VEZT: variants seen among roughly 807,000 people sequenced by gnomAD.
The protein encoded by VEZT is vezatin, adherens junctions transmembrane protein, also known as vezatin.
A neutral mutation model predicts 79.9 loss-of-function variants in VEZT; 39 were observed. The observed-to-expected ratio is 0.49, with a 90% confidence interval of 0.38 to 0.64. The LOEUF is 0.64. VEZT is among the 30% of genes least tolerant of loss of function. The pLI is 0.00. For synonymous variants in VEZT, 325 were observed against 327.6 expected, an observed-to-expected ratio of 0.99 and a Z score of 0.09; for missense variants, 837 against 893.1, an observed-to-expected ratio of 0.94 and a Z score of 0.80.
intron 2 of VEZT, among the ~76,000 whole-genome samples, chr12:95,253,477 C>A (rs1016768671): frequency 6.6e-6 from 1 of 152,194 alleles, no homozygotes; most frequent in Non-Finnish European, 1.5e-5. Flanking sequence ...CATTTCTTCC[C>A]TGTGCCCCTT....
chr12:95,256,609 A>T, intron 2 of VEZT: 3 of 1,289,534 alleles, frequency 2.3e-6, no homozygotes, highest in Non-Finnish European at 1.0e-6. Flanking sequence ...ATGCTCAAGG[A>T]ATGGGCTATT....
At chr12:95,243,775 T>C (rs956687946) in intron 1 of VEZT, among the ~76,000 whole-genome samples, 1 of 152,210 alleles carries the variant, frequency 6.6e-6, no homozygotes, top group Non-Finnish European at 1.5e-5. Context: ...TTGGTGCCAT[T>C]CTCACAATAG....
At chr12:95,249,753 T>C (rs150944338) in intron 1 of VEZT, among the ~76,000 whole-genome samples, 3 of 152,308 alleles carry the variant, frequency 2.0e-5, no homozygotes, top group Non-Finnish European at 4.4e-5. Context: ...GTTAACTTGC[T>C]TGGTGTGTTT....
chr12:95,251,687 TACTC>T (rs892427833), intron 1 of VEZT, among the ~76,000 whole-genome samples: 6 of 152,218 alleles, frequency 3.9e-5, no homozygotes, highest in African/African-American at 4.8e-5. Flanking sequence ...TTCTTGCTGG[TACTC>T]ACTCAAAAAA....
At chr12:95,226,090 CCTTT>C (rs1271068058) in intron 1 of VEZT, among the ~76,000 whole-genome samples, 8 of 129,852 alleles carry the variant, frequency 6.2e-5, no homozygotes, top group Admixed American at 5.5e-4. Context: ...TGAGACTTTG[CCTTT>C]ATTTAAAAAA....
chr12:95,275,260 A>C (rs747741175), intron 7 of VEZT, among the ~76,000 whole-genome samples: 1 of 152,152 alleles, frequency 6.6e-6, no homozygotes, highest in Non-Finnish European at 1.5e-5. Context: ...TTTTTCATAC[A>C]TCAAAAGCCA....
intron 1 of VEZT, among the ~76,000 whole-genome samples, chr12:95,244,368 G>A (rs55797522): frequency 0.084 from 12,778 of 152,168 alleles, 578 homozygotes; most frequent in Middle Eastern, 0.12. Flanking sequence ...GTGACAGAAC[G>A]AGACCCTGTT....
chr12:95,226,560 C>T (rs1456517363), intron 1 of VEZT, among the ~76,000 whole-genome samples: 2 of 152,088 alleles, frequency 1.3e-5, no homozygotes, highest in Non-Finnish European at 2.9e-5. Context: ...CCAACAACAT[C>T]CCTTCCCTTA....
chr12:95,227,509 T>G (rs2058670649), intron 1 of VEZT, among the ~76,000 whole-genome samples: 1 of 151,938 alleles, frequency 6.6e-6, no homozygotes, highest in East Asian at 1.9e-4. Flanking sequence ...CCCTGCTAAT[T>G]TTTGTATTTT....
rs1302525107 is a variant in VEZT at position 95,224,196 on chromosome 12, G to A, written c.36+6310G>A. The A allele has an allele frequency of 2.2e-5, 10 of 456,052 alleles. 1 individual carries two copies. The highest frequency in any genetic ancestry group is 2.0e-5 in the African/African-American group (1 of 50,198). The allele number at this position is 456,052 out of a possible 1,614,324, so 28.3% of individuals were successfully genotyped here. On this transcript the variant is annotated intron_variant, in intron 1 of 11. Coordinates refer to ENST00000436874, the MANE Select transcript of VEZT (RefSeq NM_017599.4). Reference sequence around the variant, plus strand: ...TCCATTTAGGTTCGGCCAGTGGGAAGGACCTGCAGATCAGAGGATGGAGGA... The same window carrying A: ...TCCATTTAGGTTCGGCCAGTGGGAAAGACCTGCAGATCAGAGGATGGAGGA...
intron 1 of VEZT, among the ~76,000 whole-genome samples, chr12:95,227,723 G>T (rs567344974): frequency 6.6e-6 from 1 of 152,274 alleles, no homozygotes; most frequent in South Asian, 2.1e-4. Context: ...CTCCCAAAGT[G>T]CTGGGATTAC....
intron 7 of VEZT, among the ~76,000 whole-genome samples, chr12:95,280,524 TACAC>T (rs10611290): frequency 0.036 from 5,013 of 137,628 alleles, 208 homozygotes; most frequent in East Asian, 0.15. Flanking sequence ...TTCATATGTG[TACAC>T]ACACACACAC....
At chr12:95,267,784 G>A (rs1221447805) in intron 5 of VEZT, among the ~76,000 whole-genome samples, 2 of 152,172 alleles carry the variant, frequency 1.3e-5, no homozygotes, top group Non-Finnish European at 2.9e-5. Context: ...CACTTTGGGA[G>A]GTCGAGGCAT....
intron 8 of VEZT, among the ~76,000 whole-genome samples, chr12:95,287,287 T>C (rs1566284187): frequency 6.6e-6 from 1 of 152,062 alleles, no homozygotes; most frequent in East Asian, 1.9e-4. Context: ...ACTGTCCAAC[T>C]CCAGAACTTT....
At chr12:95,235,243 G>C (rs2059884296) in intron 1 of VEZT, among the ~76,000 whole-genome samples, 2 of 148,640 alleles carry the variant, frequency 1.3e-5, no homozygotes, top group South Asian at 4.3e-4. Flanking sequence ...GCCGGGCAGA[G>C]GCGCCCCTCA....
rs189265452 is a variant in VEZT, at chr12:95,298,615, G to A, written c.1832-1550G>A. On this transcript the variant is annotated intron_variant, in intron 11 of 11. Coordinates refer to ENST00000436874, the MANE Select transcript of VEZT (RefSeq NM_017599.4). ...CACTGTTTACTGCTGTATCCCTAGC[G>A]CAAAGATCAAGAGACAAAATGTAAA... Among the ~76,000 whole-genome samples, 163 of 152,216 alleles carry A rather than the reference G, an allele frequency of 1.1e-3. 1 individual carries two copies. In the East Asian group the frequency reaches 0.024, roughly 23 times the overall value.
At chr12:95,292,548 ATTT>A (rs11428521) in intron 9 of VEZT, among the ~76,000 whole-genome samples, 1 of 135,492 alleles carries the variant, frequency 7.4e-6, no homozygotes, top group Non-Finnish European at 1.6e-5. Flanking sequence ...GATAACTGTA[ATTT>A]TTTTTTTTTT....
chr12:95,293,485 A>G (rs572551603), intron 9 of VEZT, among the ~76,000 whole-genome samples: 2 of 152,318 alleles, frequency 1.3e-5, no homozygotes, highest in African/African-American at 4.8e-5. Flanking sequence ...TACCAAACAT[A>G]AATTTTAAGA....
At chr12:95,226,299 T>C (rs958933441) in intron 1 of VEZT, among the ~76,000 whole-genome samples, 1 of 152,038 alleles carries the variant, frequency 6.6e-6, no homozygotes, top group African/African-American at 2.4e-5. Flanking sequence ...AGAGATACAT[T>C]GGAAGAAGGA....
Sources: allele counts gnomAD v4.1 joint callset (sites outside exome capture counted in the v4.1 genomes callset), GRCh38; gene constraint gnomAD v4.1.1; transcripts MANE v1.5; gene names NCBI Gene and HGNC (gene_info 2026-07-23, HGNC 2026-07-21).